SUN3: variants seen among roughly 807,000 people sequenced by gnomAD.
SUN3 encodes the protein Sad1 and UNC84 domain containing 3, also known as SUN domain-containing protein 3.
SUN3 carries 36 observed loss-of-function variants against 48.2 expected under a neutral mutation model. The ratio of observed to expected loss-of-function variants is 0.75; its 90% CI spans 0.57 to 0.99. SUN3 has a LOEUF of 0.99. Ranked by LOEUF, SUN3 falls within the 50% of genes least tolerant of loss-of-function variation. SUN3 has a pLI of 0.00. For missense variants in SUN3, 419 were observed against 433.1 expected (o/e 0.97, Z 0.29); for synonymous variants, 148 against 147.9 (o/e 1.00, Z 0.00).
At chr7:48,002,601 G>T (rs906609156) in intron 6 of SUN3, among the ~76,000 whole-genome samples, 6 of 152,094 alleles carry the variant, frequency 3.9e-5, no homozygotes, top group Non-Finnish European at 8.8e-5. Context: ...GTAAATTTGT[G>T]TAAGTTCCTT....
At chr7:47,999,302 T>A (rs1789294556) in intron 6 of SUN3, among the ~76,000 whole-genome samples, 1 of 152,156 alleles carries the variant, frequency 6.6e-6, no homozygotes, top group African/African-American at 2.4e-5. Flanking sequence ...ATTATTAGTA[T>A]ATAGAAATTG....
rs769223567 is a variant in SUN3 at position 47,994,415 on chromosome 7, G to A, written c.761C>T (p.Ala254Val). 6.2e-7 allele frequency: 1 copy of A among 1,613,138 alleles called. No individual in the cohort carries two copies. Among genetic ancestry groups the A allele is most frequent in the South Asian group, 1.1e-5 (1 of 90,842 alleles). Residue 254 changes from alanine to valine, a missense_variant, in exon 8 of 10, where the codon GCT (alanine) becomes GTT (valine). Ala to Val is a moderately conservative substitution (Grantham distance 64). Transcript: ENST00000297325. ...GSQGHTLIKL[A>V]TKIIPTAVTM... ...AACAGCAGTTGGTATGATCTTTGTA[G>A]CAAGCTTGATTAGGGTATGACCCTG... is the stretch of plus-strand genomic sequence containing the variant.
Position 48,017,331 on chromosome 7 carries a change from ATC to A in SUN3, c.217_218del (p.Asp73CysfsTer21). 1 of 1,609,948 alleles carries A rather than the reference ATC, an allele frequency of 6.2e-7. No individual in the cohort carries two copies. Among genetic ancestry groups the A allele is most frequent in the Non-Finnish European group, 8.5e-7 (1 of 1,177,392 alleles). On this transcript the variant is annotated frameshift_variant, in exon 3 of 10. Transcript: ENST00000297325. LOFTEE classifies it high-confidence loss of function. Reference sequence around the variant, plus strand: ...ATAATTGTCTGGATTTCTGAGGAACATCTGTTTCTTTAAGCCACTGATGATTT... The same window carrying A: ...ATAATTGTCTGGATTTCTGAGGAACATGTTTCTTTAAGCCACTGATGATTT... ...LLNHQWLKET[D>X]VPQKSRQLYA...
chr7:48,026,847 C>T (rs1790149583), intron 1 of SUN3, among the ~76,000 whole-genome samples: 1 of 152,092 alleles, frequency 6.6e-6, no homozygotes, highest in Non-Finnish European at 1.5e-5. Flanking sequence ...GAGACCAAAT[C>T]AGCTGGAACC....
intron 9 of SUN3, among the ~76,000 whole-genome samples, chr7:47,987,836 T>C (rs889390059): frequency 2.6e-5 from 4 of 152,228 alleles, no homozygotes; most frequent in Non-Finnish European, 5.9e-5. Context: ...GCCTGGCCTA[T>C]ATACTTTTTC....
intron 3 of SUN3, among the ~76,000 whole-genome samples, chr7:48,011,507 A>T (rs536169708): frequency 6.6e-6 from 1 of 152,176 alleles, no homozygotes; most frequent in African/African-American, 2.4e-5. Context: ...GGAGCTTATC[A>T]TTGGTAGATA....
At chr7:47,996,627 C>T (rs1789219960) in intron 6 of SUN3, among the ~76,000 whole-genome samples, 1 of 152,092 alleles carries the variant, frequency 6.6e-6, no homozygotes, top group Non-Finnish European at 1.5e-5. Context: ...ATGAAATATA[C>T]TCATCAAACA....
Position 48,028,892 on chromosome 7 carries a change from C to A in SUN3, c.47G>T (p.Arg16Leu), listed in dbSNP as rs138209683. 1.1e-5 allele frequency: 17 copies of A among 1,613,852 alleles called. No individual in the cohort carries two copies. The highest frequency in any genetic ancestry group is 1.4e-5 in the Non-Finnish European group (17 of 1,179,890). Residue 16 changes from arginine to leucine, a missense_variant, in exon 1 of 10, where the codon CGT (arginine) becomes CTT (leucine). Arg to Leu is a moderately radical substitution (Grantham distance 102). Transcript: ENST00000297325. ...KARRAAMFFR[R>L]CSEDASGSAS... ...GCTACCGCTGGCGTCTTCAGAGCAA[C>A]GTCTAAAAAACATGGCAGCCCTTCT... is the stretch of plus-strand genomic sequence containing the variant.
intron 3 of SUN3, 150 bp from the exon 4 acceptor site, chr7:48,009,225 C>T (rs368915755): frequency 3.2e-4 from 207 of 646,760 alleles, no homozygotes; most frequent in African/African-American, 3.1e-3. Context: ...CTGAGAGGCC[C>T]GCCTCTTTCC....
intron 2 of SUN3, among the ~76,000 whole-genome samples, chr7:48,021,140 C>G (rs933126399): frequency 1.3e-5 from 2 of 151,810 alleles, no homozygotes; most frequent in African/African-American, 2.4e-5. Context: ...AACAAATGTG[C>G]CAAGAACATA....
intron 5 of SUN3, 134 bp from the exon 6 acceptor site, chr7:48,006,187 G>A: frequency 1.6e-6 from 1 of 628,426 alleles, no homozygotes; most frequent in Non-Finnish European, 2.8e-6. Flanking sequence ...TGCACTCTGA[G>A]CCAGGCCCTG....
rs1789197766 is a variant in SUN3 at position 47,995,883 on chromosome 7, A to T, written c.693+148T>A. ...AAGACATAATTCATGCAGTGTACTG[A>T]CTATAAAAATATAATGAGATGATTT... is the stretch of plus-strand genomic sequence containing the variant. On this transcript the variant is annotated intron_variant, in intron 7 of 9. Transcript: ENST00000297325. The T allele has an allele frequency of 7.8e-6, 4 of 511,360 alleles. No individual in the cohort carries two copies. In the Admixed American group the frequency reaches 1.6e-4, roughly 20 times the overall value. The allele number at this position is 511,360 out of a possible 1,614,324, so 31.7% of individuals were successfully genotyped here.
intron 2 of SUN3, among the ~76,000 whole-genome samples, chr7:48,021,343 T>C (rs1789990670): frequency 1.3e-5 from 2 of 152,036 alleles, no homozygotes; most frequent in Admixed American, 6.6e-5. Context: ...TCCAGGTCAT[T>C]GGTCTGGGCA....
rs758781242 is a variant in SUN3 at position 47,994,476 on chromosome 7, C to T, written c.700G>A (p.Val234Ile). 4 of 1,591,298 alleles carry T rather than the reference C, an allele frequency of 2.5e-6. No homozygotes were observed. The highest frequency in any genetic ancestry group is 2.6e-6 in the Non-Finnish European group (3 of 1,173,216). Residue 234 changes from valine to isoleucine, a missense_variant, in exon 8 of 10, where the codon GTC (valine) becomes ATC (isoleucine). Transcript: ENST00000297325. ...AAAGCCCAGCACTTTCCAGGGTAGACATCCGGCTGGAAAGAAAACACTGAA... is the reference window on the plus strand; with the variant it reads ...AAAGCCCAGCACTTTCCAGGGTAGATATCCGGCTGGAAAGAAAACACTGAA... ...MPPDIILQPD[V>I]YPGKCWAFPG...
At chr7:48,020,647 C>T (rs946664480) in intron 2 of SUN3, among the ~76,000 whole-genome samples, 8 of 152,084 alleles carry the variant, frequency 5.3e-5, no homozygotes, top group African/African-American at 1.9e-4. Context: ...TATATACAAA[C>T]AGTGAACAAT....
At chr7:48,003,216 T>A (rs1789435811) in intron 6 of SUN3, among the ~76,000 whole-genome samples, 1 of 152,142 alleles carries the variant, frequency 6.6e-6, no homozygotes, top group Non-Finnish European at 1.5e-5. Flanking sequence ...GGTAGAAGAT[T>A]AGATAGTTGT....
chr7:47,994,557 C>G, intron 7 of SUN3, 75 bp from the exon 8 acceptor site: 1 of 1,430,328 alleles, frequency 7.0e-7, no homozygotes, highest in Non-Finnish European at 9.3e-7. Context: ...CAGCTAATCA[C>G]TATTGACTGC....
intron 3 of SUN3, among the ~76,000 whole-genome samples, chr7:48,011,446 C>T (rs571406760): frequency 6.6e-6 from 1 of 152,332 alleles, no homozygotes; most frequent in South Asian, 2.1e-4. Flanking sequence ...AACAATTACA[C>T]TTCTTATACG....
chr7:48,010,115 C>A (rs1162536230), intron 3 of SUN3, among the ~76,000 whole-genome samples: 1 of 151,772 alleles, frequency 6.6e-6, no homozygotes, highest in Non-Finnish European at 1.5e-5. Context: ...ACACACACTC[C>A]ACATACACAT....
Sources: gnomAD v4.1 joint callset for allele counts (sites outside exome capture counted in the v4.1 genomes callset) on GRCh38, gnomAD v4.1.1 for gene constraint, MANE v1.5 for transcripts, NCBI Gene and HGNC (gene_info 2026-07-23, HGNC 2026-07-21) for gene names.